The following CEACAM1 variants were observed in gnomAD, a reference collection of about 807,000 sequenced individuals.
CEACAM1 encodes the protein CEA cell adhesion molecule 1.
In CEACAM1, 31 loss-of-function variants were observed where a neutral mutation model predicts 49.1. The ratio of observed to expected loss-of-function variants is 0.63; its 90% CI spans 0.47 to 0.85. The LOEUF (loss-of-function observed/expected upper bound fraction) is 0.85. Among genes scored for constraint, CEACAM1 ranks in the 40% least tolerant of loss-of-function variants. The pLI, the probability that CEACAM1 is intolerant of heterozygous loss-of-function variation, is 0.00. For missense variants in CEACAM1, 570 were observed against 645.3 expected (o/e 0.88, Z 1.26); for synonymous variants, 244 against 247.8 (o/e 0.98, Z 0.14).
chr19:42,513,958 C>CTTTT (rs869304469), intron 5 of CEACAM1, among the ~76,000 whole-genome samples: 68 of 86,862 alleles, frequency 7.8e-4, no homozygotes, highest in East Asian at 1.2e-3. Context: ...TCTTCTTCTT[C>CTTTT]TTTTTTTTTT....
intron 8 of CEACAM1, among the ~76,000 whole-genome samples, chr19:42,509,730 G>A (rs532589367): frequency 1.3e-5 from 2 of 151,902 alleles, no homozygotes; most frequent in East Asian, 2.0e-4. Flanking sequence ...GGGTTCAAGC[G>A]ATGCTCCTGT....
intron 5 of CEACAM1, among the ~76,000 whole-genome samples, chr19:42,513,681 G>A (rs890451424): frequency 3.4e-5 from 5 of 149,220 alleles, no homozygotes; most frequent in African/African-American, 1.2e-4. Context: ...CTGCATCATG[G>A]TCTGAGGTTC....
intron 8 of CEACAM1, 141 bp from the exon 9 acceptor site, chr19:42,509,369 G>A: frequency 1.1e-6 from 1 of 890,320 alleles, no homozygotes; most frequent in Admixed American, 2.9e-5. Context: ...CCCATTCTCT[G>A]CTTGCTGACC....
chr19:42,514,581 T>C (rs537973324), intron 5 of CEACAM1, among the ~76,000 whole-genome samples: 1 of 152,310 alleles, frequency 6.6e-6, no homozygotes, highest in Non-Finnish European at 1.5e-5. Flanking sequence ...TCTAGCCTAT[T>C]TCTTGTTTAT....
chr19:42,510,518 C>CT (rs1385584441), intron 8 of CEACAM1, among the ~76,000 whole-genome samples: 1 of 152,162 alleles, frequency 6.6e-6, no homozygotes, highest in African/African-American at 2.4e-5. Context: ...CAGTGCCTTC[C>CT]TTTTTTAGGC....
intron 4 of CEACAM1, 34 bp from the exon 5 acceptor site, chr19:42,519,269 T>G (rs1378772701): frequency 1.9e-6 from 3 of 1,609,290 alleles, no homozygotes; most frequent in Non-Finnish European, 2.5e-6. Context: ...GATAACCTAC[T>G]GAGAATAGGG....
chr19:42,527,382 C>T lies in CEACAM1; in HGVS notation c.83G>A (p.Trp28Ter), dbSNP rs1246345672. Residue 28 changes from tryptophan to a stop codon, truncating the protein, a stop_gained, in exon 2 of 9, where the codon TGG becomes TAG. Transcript: ENST00000161559. LOFTEE classifies it high-confidence loss of function. Reference protein sequence around the residue: ...LLLTASLLTFWNPPTTAQLTT... With the variant: ...LLLTASLLTF ...GAGCTGGGCAGTGGTGGGCGGGTTC[C>T]AGAAGGTTAGAAGTGAGGCTAGGAG... The T allele has an allele frequency of 1.2e-6, 2 of 1,604,354 alleles. No homozygotes were observed. The highest frequency in any genetic ancestry group is 2.7e-5 in the African/African-American group (2 of 74,670).
chr19:42,509,788 G>C (rs553309088), intron 8 of CEACAM1, among the ~76,000 whole-genome samples: 1 of 152,038 alleles, frequency 6.6e-6, no homozygotes, highest in Admixed American at 6.6e-5. Flanking sequence ...TACCACGCCC[G>C]GCTAATTTTT....
chr19:42,521,074 T>G, intron 4 of CEACAM1, 193 bp downstream of exon 4: 2 of 648,414 alleles, frequency 3.1e-6, no homozygotes, highest in Non-Finnish European at 5.3e-6. Flanking sequence ...GGACCTAAGG[T>G]CAGCTGTGAG....
intron 8 of CEACAM1, among the ~76,000 whole-genome samples, chr19:42,510,474 G>A (rs181869693): frequency 1.3e-5 from 2 of 152,338 alleles, no homozygotes; most frequent in East Asian, 1.9e-4. Flanking sequence ...AATAAGAGCA[G>A]GATCAGACTG....
intron 2 of CEACAM1, among the ~76,000 whole-genome samples, chr19:42,524,492 T>A (rs1034808290): frequency 7.9e-5 from 12 of 152,186 alleles, no homozygotes; most frequent in African/African-American, 2.7e-4. Flanking sequence ...CTGTTCCACA[T>A]GTCAGCCTCA....
At chr19:42,516,887 CAA>C in intron 5 of CEACAM1, 1 of 420,098 alleles carries the variant, frequency 2.4e-6, no homozygotes, top group Non-Finnish European at 4.6e-6. Flanking sequence ...AGCAAAAAAA[CAA>C]AACAAAACAA....
rs769367549 is a variant in CEACAM1, at chr19:42,516,838, G to A, written c.1246+2110C>T. On this transcript the variant is annotated intron_variant, in intron 5 of 8. Coordinates refer to ENST00000161559, the MANE Select transcript of CEACAM1 (RefSeq NM_001712.5). The stretch of plus-strand genomic sequence containing the variant: ...GCTTGAGCTCAGGAGTTTGAGACCA[G>A]CCTTGGCAACATGGTGAAACGCCAT... 1.1e-4 allele frequency: 46 copies of A among 415,380 alleles called. 1 individual carries two copies. Among genetic ancestry groups the A allele is most frequent in the Admixed American group, 7.9e-4 (26 of 32,836 alleles). 25.7% of individuals were successfully genotyped at this position (415,380 alleles called of 1,614,324 possible).
At position 42,512,441 on chromosome 19, in the gene CEACAM1, C is replaced by T. The variant is rs2041482206; in HGVS notation, c.1285G>A (p.Ala429Thr). The change falls in exon 6 of 9, where the codon GCC (alanine) becomes ACC (threonine). Residue 429 changes from alanine to threonine, a missense_variant. Transcript: ENST00000161559. ...LPQENGLSPGAIAGIVIGVVA... is the reference protein window; with the variant it reads ...LPQENGLSPGTIAGIVIGVVA... The stretch of plus-strand genomic sequence containing the variant: ...ACTCCAATCACAATGCCAGCAATGG[C>T]CCCAGGTGAGAGGCCATTTTCTTGT... 2 of 1,613,932 alleles carry T rather than the reference C, an allele frequency of 1.2e-6. No homozygotes were observed. Among genetic ancestry groups the T allele is most frequent in the African/African-American group, 1.3e-5 (1 of 74,916 alleles).
chr19:42,523,429 G>C (rs1191867140), intron 2 of CEACAM1, among the ~76,000 whole-genome samples: 1 of 152,208 alleles, frequency 6.6e-6, no homozygotes, highest in African/African-American at 2.4e-5. Flanking sequence ...CCTAAAGATA[G>C]AGCAGAGTCC....
chr19:42,510,300 A>G (rs964348821), intron 8 of CEACAM1, among the ~76,000 whole-genome samples: 1 of 151,534 alleles, frequency 6.6e-6, no homozygotes, highest in Non-Finnish European at 1.5e-5. Flanking sequence ...GTTAGCCAGA[A>G]TGGTCTCGAT....
Position 42,507,532 on chromosome 19 carries a change from G to A in CEACAM1, c.*1577C>T, listed in dbSNP as rs912452637. The stretch of plus-strand genomic sequence containing the variant: ...CCTCTTAGGCCTAACATGAGATCAG[G>A]TAAGCAATATAGAATAAAACCTTTC... On this transcript the variant is annotated 3_prime_UTR_variant, in exon 9 of 9. Coordinates refer to ENST00000161559, the MANE Select transcript of CEACAM1 (RefSeq NM_001712.5). 4 of 152,134 alleles carry A rather than the reference G, an allele frequency of 2.6e-5. No individual in the cohort carries two copies. Among genetic ancestry groups the A allele is most frequent in the African/African-American group, 9.7e-5 (4 of 41,424 alleles). 9.4% of individuals were successfully genotyped at this position (152,134 alleles called of 1,614,324 possible). A position where few individuals can be genotyped will look rare whatever the true frequency, so the allele number is the denominator to read the frequency against.
At chr19:42,512,631 C>G (rs1019158902) in intron 5 of CEACAM1, 152 bp from the exon 6 acceptor site, 5 of 657,986 alleles carry the variant, frequency 7.6e-6, no homozygotes, top group African/African-American at 1.8e-5. Context: ...GATTAGCTAA[C>G]TATATCCTTG....
At chr19:42,511,087 G>T (rs546208254) in intron 7 of CEACAM1, 167 bp from the exon 8 acceptor site, 2 of 655,030 alleles carry the variant, frequency 3.1e-6, no homozygotes, top group African/African-American at 1.8e-5. Context: ...GTACCAGAGA[G>T]GGGGCAGGGG....
Sources: allele counts gnomAD v4.1 joint callset (sites outside exome capture counted in the v4.1 genomes callset), GRCh38; gene constraint gnomAD v4.1.1; transcripts MANE v1.5; gene names NCBI Gene and HGNC (gene_info 2026-07-23, HGNC 2026-07-21).